DNAJC24: variants seen among roughly 807,000 people sequenced by gnomAD.
DNAJC24 encodes the protein dnaJ homolog subfamily C member 24.
A neutral mutation model predicts 18.0 loss-of-function variants in DNAJC24; 17 were observed. That is an observed-to-expected ratio of 0.94 (90% CI 0.65 to 1.42). The LOEUF is 1.42. DNAJC24 is among the 40% of genes most tolerant of loss of function. The pLI is 0.00. For missense variants in DNAJC24, 158 were observed against 175.6 expected, an observed-to-expected ratio of 0.90 and a Z score of 0.57; for synonymous variants, 55 against 57.7, an observed-to-expected ratio of 0.95 and a Z score of 0.21.
chr11:31,402,692 T>C (rs1290728812), intron 2 of DNAJC24, among the ~76,000 whole-genome samples: 4 of 152,160 alleles, frequency 2.6e-5, no homozygotes, highest in Non-Finnish European at 5.9e-5. Context: ...AATTATTTTG[T>C]AGAGATGAGC....
intron 3 of DNAJC24, among the ~76,000 whole-genome samples, chr11:31,422,897 T>A (rs1253393956): frequency 6.6e-6 from 1 of 152,150 alleles, no homozygotes; most frequent in African/African-American, 2.4e-5. Context: ...CACCTGCCTC[T>A]CAACAAAGGA....
intron 2 of DNAJC24, among the ~76,000 whole-genome samples, chr11:31,389,532 G>A (rs139089345): frequency 8.1e-4 from 124 of 152,268 alleles, no homozygotes; most frequent in African/African-American, 2.9e-3. Flanking sequence ...TAGAGCTAAA[G>A]AGAGAGGTAG....
chr11:31,431,319 C>T lies in DNAJC24; in HGVS notation c.*918C>T, dbSNP rs1479293535. On this transcript the variant is annotated 3_prime_UTR_variant, in exon 5 of 5. Coordinates refer to ENST00000465995, the MANE Select transcript of DNAJC24 (RefSeq NM_181706.5). ...ACAGGTTTGAGCCACCGTGCCTGGC[C>T]TAAGTTTTGTTAATAGAGATGGGAT... The T allele has an allele frequency of 1.3e-5, 2 of 151,458 alleles. No homozygotes were observed. Among genetic ancestry groups the T allele is most frequent in the East Asian group, 4.0e-4 (2 of 4,966 alleles). 9.4% of individuals were successfully genotyped at this position (151,458 alleles called of 1,614,324 possible).
At chr11:31,389,008 A>T (rs1952459809) in intron 2 of DNAJC24, among the ~76,000 whole-genome samples, 1 of 152,176 alleles carries the variant, frequency 6.6e-6, no homozygotes, top group African/African-American at 2.4e-5. Context: ...AAAACATACA[A>T]TGGCTACACA....
At chr11:31,411,989 TG>T (rs746568561) in intron 2 of DNAJC24, among the ~76,000 whole-genome samples, 7 of 152,152 alleles carry the variant, frequency 4.6e-5, no homozygotes, top group Non-Finnish European at 7.4e-5. Flanking sequence ...CATTTTTTAA[TG>T]GAATGTACCC....
Position 31,374,567 on chromosome 11 carries a change from G to A in DNAJC24, c.111+3708G>A, listed in dbSNP as rs560538080. On this transcript the variant is annotated intron_variant, in intron 2 of 4. Transcript: ENST00000465995. ...TATTTGTCTGTAATTTTCTTTTCTCGTAATGTTTATGTCTAAATTTAGTAT... is the reference window on the plus strand; with the variant it reads ...TATTTGTCTGTAATTTTCTTTTCTCATAATGTTTATGTCTAAATTTAGTAT... Among the ~76,000 whole-genome samples, 17 of 133,678 alleles carry A rather than the reference G, an allele frequency of 1.3e-4. 3 individuals are homozygous for A. Among genetic ancestry groups the A allele is most frequent in the South Asian group, 1.3e-3 (5 of 3,932 alleles). 87.7% of individuals were successfully genotyped at this position (133,678 alleles called of 152,430 possible). A position where few individuals can be genotyped will look rare whatever the true frequency, so the allele number is the denominator to read the frequency against.
At chr11:31,407,666 C>A (rs1450995266) in intron 2 of DNAJC24, 2 of 110,756 alleles carry the variant, frequency 1.8e-5, no homozygotes, top group Non-Finnish European at 3.4e-5. Context: ...GCCCAGATGA[C>A]AGAGAGAGAT....
At chr11:31,429,638 T>C in intron 4 of DNAJC24, 1 of 240,948 alleles carries the variant, frequency 4.2e-6, no homozygotes, top group Non-Finnish European at 9.1e-6. Context: ...TTTGGGCATC[T>C]CACTTCAGCA....
intron 3 of DNAJC24, among the ~76,000 whole-genome samples, chr11:31,423,313 T>C (rs1013810810): frequency 6.6e-6 from 1 of 152,126 alleles, no homozygotes; most frequent in Non-Finnish European, 1.5e-5. Flanking sequence ...CAGGCTGGAG[T>C]GCAATGGCGG....
chr11:31,384,945 A>G (rs910257927), intron 2 of DNAJC24: 1 of 152,208 alleles, frequency 6.6e-6, no homozygotes, highest in Non-Finnish European at 1.5e-5. Context: ...TCAGTTTACT[A>G]AAGAATACTG....
intron 1 of DNAJC24, among the ~76,000 whole-genome samples, chr11:31,370,223 T>C (rs1361426671): frequency 6.6e-6 from 1 of 152,186 alleles, no homozygotes; most frequent in Non-Finnish European, 1.5e-5. Flanking sequence ...ATTTCCCATA[T>C]CATGCTCTCC....
Position 31,432,587 on chromosome 11 carries a change from G to A in DNAJC24, c.*2186G>A, listed in dbSNP as rs1421312680. The A allele has an allele frequency of 6.4e-7, 1 of 1,568,292 alleles. No individual in the cohort carries two copies. The highest frequency in any genetic ancestry group is 8.8e-7 in the Non-Finnish European group (1 of 1,138,752). On this transcript the variant is annotated 3_prime_UTR_variant, in exon 5 of 5. Coordinates refer to ENST00000465995, the MANE Select transcript of DNAJC24 (RefSeq NM_181706.5). ...GCCAAATCTGTAAAATCAAAATGAG[G>A]TTGAAGACAATTAGTGAAAGTAATG...
At chr11:31,417,332 T>G (rs1340284264) in intron 3 of DNAJC24, 1 of 152,170 alleles carries the variant, frequency 6.6e-6, no homozygotes, top group Non-Finnish European at 1.5e-5. Flanking sequence ...CCTACTTTCA[T>G]ATTGTTATTT....
At chr11:31,407,371 G>T (rs1952666106) in intron 2 of DNAJC24, 1 of 152,076 alleles carries the variant, frequency 6.6e-6, no homozygotes, top group Admixed American at 6.5e-5. Flanking sequence ...TTACTGTAAA[G>T]AAATATCATT....
intron 3 of DNAJC24, chr11:31,416,600 C>G (rs1032284942): frequency 6.6e-6 from 1 of 152,058 alleles, no homozygotes; most frequent in Admixed American, 6.6e-5. Context: ...TTCAATGTTG[C>G]TCTACATTTT....
intron 2 of DNAJC24, chr11:31,384,895 G>C (rs1032774594): frequency 6.6e-6 from 1 of 152,024 alleles, no homozygotes; most frequent in African/African-American, 2.4e-5. Flanking sequence ...TTAAAGGAAA[G>C]TATCTGAAAA....
intron 3 of DNAJC24, among the ~76,000 whole-genome samples, chr11:31,423,992 TTGAG>T (rs1313659631): frequency 6.6e-6 from 1 of 152,130 alleles, no homozygotes; most frequent in African/African-American, 2.4e-5. Flanking sequence ...AGCCACTTTT[TTGAG>T]TAAGTAGAAT....
chr11:31,411,063 GA>G (rs1408157480), intron 2 of DNAJC24, among the ~76,000 whole-genome samples: 2 of 151,698 alleles, frequency 1.3e-5, no homozygotes, highest in Admixed American at 1.3e-4. Context: ...TTAAGGGCAA[GA>G]AAAAAAATAA....
chr11:31,421,893 C>G, intron 3 of DNAJC24: 1 of 400,302 alleles, frequency 2.5e-6, no homozygotes, highest in South Asian at 1.9e-5. Flanking sequence ...CTGAACCAAG[C>G]TGCTAATAGT....
Sources: allele counts gnomAD v4.1 joint callset (sites outside exome capture counted in the v4.1 genomes callset), GRCh38; gene constraint gnomAD v4.1.1; transcripts MANE v1.5; gene names NCBI Gene and HGNC (gene_info 2026-07-23, HGNC 2026-07-21).